Variants in APOLD1 observed in about 807,000 individuals in gnomAD.
APOLD1 encodes the protein apolipoprotein L domain-containing protein 1.
In APOLD1, 22 loss-of-function variants were observed where a neutral mutation model predicts 15.3. The observed-to-expected ratio is 1.44, with a 90% CI of 1.03 to 2.05. APOLD1 has a LOEUF of 2.05. Among genes scored for constraint, APOLD1 ranks in the 30% most tolerant of loss-of-function variants. The probability of loss-of-function intolerance (pLI) is 0.00; values close to 1 mark genes in which losing one functional copy is unlikely to be tolerated. For synonymous variants in APOLD1, 190 were observed against 167.4 expected (o/e 1.13, Z -1.04); for missense variants, 394 against 353.5 (o/e 1.11, Z -0.92).
At chr12:12,739,039 A>G (rs1399754313) in intron 1 of APOLD1, among the ~76,000 whole-genome samples, 1 of 152,208 alleles carries the variant, frequency 6.6e-6, no homozygotes, top group African/African-American at 2.4e-5. Flanking sequence ...TTTTTGAGCA[A>G]GGAACTGACT....
At chr12:12,758,227 C>T (rs148213622) in intron 1 of APOLD1, among the ~76,000 whole-genome samples, 25 of 151,576 alleles carry the variant, frequency 1.6e-4, no homozygotes, top group Middle Eastern at 3.4e-3. Flanking sequence ...TGAACCACCA[C>T]GCCTGAACTA....
At chr12:12,739,323 A>G (rs1203539291) in intron 1 of APOLD1, among the ~76,000 whole-genome samples, 1 of 152,232 alleles carries the variant, frequency 6.6e-6, no homozygotes, top group Non-Finnish European at 1.5e-5. Flanking sequence ...GATCGAGAAG[A>G]TGAGTGTTCT....
Position 12,738,472 on chromosome 12 carries a change from T to C in APOLD1, c.96+12376T>C, listed in dbSNP as rs150707296. ...CCTCCCAACTTAGCCTCCCAAATCA[T>C]TGGGATGAGAAGCATGAACCACTGT... On this transcript the variant is annotated intron_variant, in intron 1 of 1. Transcript: ENST00000326765. Among the ~76,000 whole-genome samples, 249 of 152,226 alleles carry C rather than the reference T, an allele frequency of 1.6e-3. 2 individuals carry two copies. The highest frequency in any genetic ancestry group is 5.9e-3 in the African/African-American group (245 of 41,558).
At chr12:12,785,492 G>A (rs961163461), upstream of APOLD1, 1 of 731,774 alleles carries the variant, frequency 1.4e-6, no homozygotes, top group Non-Finnish European at 2.2e-6. Context: ...TCCTAAATAC[G>A]GGATGTGCTG....
At chr12:12,784,079 G>C (rs1947106765), upstream of APOLD1, among the ~76,000 whole-genome samples, 1 of 152,200 alleles carries the variant, frequency 6.6e-6, no homozygotes, top group Non-Finnish European at 1.5e-5. Flanking sequence ...GCTGAGGTCA[G>C]TATACACGCT....
intron 1 of APOLD1, among the ~76,000 whole-genome samples, chr12:12,737,939 G>A (rs1337103172): frequency 1.3e-5 from 2 of 152,192 alleles, no homozygotes; most frequent in Admixed American, 1.3e-4. Flanking sequence ...ACAATAATGA[G>A]TGCCTACTAT....
chr12:12,781,689 G>A (rs1172651697), upstream of APOLD1, among the ~76,000 whole-genome samples: 6 of 151,266 alleles, frequency 4.0e-5, no homozygotes, highest in East Asian at 4.1e-4. Context: ...CACCATGCCC[G>A]GCTAATTTTT....
At chr12:12,743,758 C>T (rs1416243577) in intron 1 of APOLD1, among the ~76,000 whole-genome samples, 2 of 152,198 alleles carry the variant, frequency 1.3e-5, no homozygotes, top group Non-Finnish European at 2.9e-5. Context: ...CCAATGTAAT[C>T]ACAAGGGTCC....
intron 1 of APOLD1, among the ~76,000 whole-genome samples, chr12:12,761,451 G>T (rs1185604465): frequency 6.6e-6 from 1 of 152,088 alleles, no homozygotes; most frequent in African/African-American, 2.4e-5. Flanking sequence ...AGAGGAAATT[G>T]TTTAATCTCT....
At chr12:12,758,098 TTC>T (rs202137021) in intron 1 of APOLD1, among the ~76,000 whole-genome samples, 25,650 of 122,604 alleles carry the variant, frequency 0.21, 3,306 homozygotes, top group African/African-American at 0.4. Context: ...CTGGCTTTTT[TTC>T]TTTTTTTTTT....
chr12:12,785,583 AGAATG>A, upstream of APOLD1: 1 of 1,606,960 alleles, frequency 6.2e-7, no homozygotes, highest in Non-Finnish European at 8.5e-7. Context: ...GCAAATTCTC[AGAATG>A]AGACAAGGCT....
intron 1 of APOLD1, among the ~76,000 whole-genome samples, chr12:12,732,122 G>A (rs1946645274): frequency 6.6e-6 from 1 of 152,098 alleles, no homozygotes; most frequent in African/African-American, 2.4e-5. Context: ...CTGGCTTTTC[G>A]TTCAAGCTCT....
chr12:12,746,526 C>CATAAATACATAA (rs1442874707), intron 1 of APOLD1, among the ~76,000 whole-genome samples: 2 of 147,834 alleles, frequency 1.4e-5, no homozygotes, highest in East Asian at 3.9e-4. Context: ...TACATAAATA[C>CATAAATACATAA]ATACATACAT....
At chr12:12,772,971 C>T (rs1187610401) in intron 1 of APOLD1, among the ~76,000 whole-genome samples, 1 of 151,836 alleles carries the variant, frequency 6.6e-6, no homozygotes, top group East Asian at 1.9e-4. Flanking sequence ...TAGTGCTACT[C>T]GAGAGGCTGA....
At chr12:12,769,305 CTCT>C (rs1040523296) in intron 1 of APOLD1, among the ~76,000 whole-genome samples, 7 of 150,838 alleles carry the variant, frequency 4.6e-5, no homozygotes, top group African/African-American at 1.5e-4. Context: ...AAATCAACAG[CTCT>C]TCTTAGATCC....
At chr12:12,779,088 C>A (rs531727510) in intron 1 of APOLD1, among the ~76,000 whole-genome samples, 29 of 152,300 alleles carry the variant, frequency 1.9e-4, no homozygotes, top group African/African-American at 6.5e-4. Context: ...TTTGTCCATT[C>A]TGTTCCTTTG....
intron 1 of APOLD1, among the ~76,000 whole-genome samples, chr12:12,766,400 G>A (rs1328632152): frequency 6.6e-6 from 1 of 152,216 alleles, no homozygotes; most frequent in Non-Finnish European, 1.5e-5. Flanking sequence ...GGGGCCATAA[G>A]TTCCCAAGCT....
At chr12:12,779,462 C>T (rs184409813) in intron 1 of APOLD1, among the ~76,000 whole-genome samples, 2 of 152,260 alleles carry the variant, frequency 1.3e-5, no homozygotes, top group Admixed American at 6.5e-5. Context: ...TTCTGAAAGC[C>T]TTCTGCCTCT....
At chr12:12,767,650 T>A (rs1235275858) in intron 1 of APOLD1, among the ~76,000 whole-genome samples, 1 of 152,188 alleles carries the variant, frequency 6.6e-6, no homozygotes. Context: ...AGGGAGACTA[T>A]GTCTCAAAAC....
Sources: allele counts gnomAD v4.1 joint callset (sites outside exome capture counted in the v4.1 genomes callset), GRCh38; gene constraint gnomAD v4.1.1; transcripts MANE v1.5; gene names NCBI Gene and HGNC (gene_info 2026-07-23, HGNC 2026-07-21).